Variants in CCDC170 observed in about 807,000 individuals in gnomAD.
CCDC170 encodes coiled-coil domain containing 170, also known as coiled-coil domain-containing protein 170.
CCDC170 carries 69 observed loss-of-function variants against 72.6 expected under a neutral mutation model. That is an observed-to-expected ratio of 0.95 (90% CI 0.78 to 1.16). The LOEUF (loss-of-function observed/expected upper bound fraction) is 1.16. Among genes scored for constraint, CCDC170 ranks in the 50% most tolerant of loss-of-function variants. The pLI, the probability that CCDC170 is intolerant of heterozygous loss-of-function variation, is 0.00. For synonymous variants in CCDC170, 300 were observed against 303.9 expected (o/e 0.99, Z 0.13); for missense variants, 852 against 832.5 (o/e 1.02, Z -0.29).
At chr6:151,592,355 G>C (rs183237726) in intron 7 of CCDC170, among the ~76,000 whole-genome samples, 1 of 151,970 alleles carries the variant, frequency 6.6e-6, no homozygotes, top group African/African-American at 2.4e-5. Flanking sequence ...GGAAGACTCT[G>C]TCTCAAAATA....
At chr6:151,544,870 C>T (rs984327191) in intron 4 of CCDC170, among the ~76,000 whole-genome samples, 154 bp downstream of exon 4, 1 of 152,110 alleles carries the variant, frequency 6.6e-6, no homozygotes, top group Non-Finnish European at 1.5e-5. Context: ...GGACAAGTCA[C>T]GTCACCTGCC....
chr6:151,497,952 C>CAAAAAAAAAA (rs59201906), intron 1 of CCDC170, among the ~76,000 whole-genome samples: 14 of 58,040 alleles, frequency 2.4e-4, no homozygotes, highest in East Asian at 5.7e-4. Flanking sequence ...CACACCATCT[C>CAAAAAAAAAA]AAAAAAAAAA....
intron 1 of CCDC170, among the ~76,000 whole-genome samples, chr6:151,512,972 T>C (rs1782169856): frequency 6.6e-6 from 1 of 152,216 alleles, no homozygotes; most frequent in African/African-American, 2.4e-5. Flanking sequence ...AAGTTGGTGC[T>C]ATTTTCTATG....
intron 10 of CCDC170, among the ~76,000 whole-genome samples, chr6:151,616,965 T>A (rs1776977926): frequency 6.6e-6 from 1 of 152,142 alleles, no homozygotes; most frequent in Non-Finnish European, 1.5e-5. Flanking sequence ...ACATAAGAAT[T>A]TTGAGGGGTC....
chr6:151,615,874 G>A lies in CCDC170; in HGVS notation c.1947+195G>A, dbSNP rs942721997. 21 of 551,324 alleles carry A rather than the reference G, an allele frequency of 3.8e-5. 1 individual carries two copies. Among genetic ancestry groups the A allele is most frequent in the African/African-American group, 5.7e-5 (3 of 53,068 alleles). 34.2% of individuals were successfully genotyped at this position (551,324 alleles called of 1,614,324 possible). Reference sequence around the variant, plus strand: ...ATGTTAACACATGTGCTCCCGAAGCGAGAACTAGTCACATATTTATTCAAA... The same window carrying A: ...ATGTTAACACATGTGCTCCCGAAGCAAGAACTAGTCACATATTTATTCAAA... On this transcript the variant is annotated intron_variant, in intron 10 of 10. Coordinates refer to ENST00000239374, the MANE Select transcript of CCDC170 (RefSeq NM_025059.4).
rs2115089858 is a variant in CCDC170, at chr6:151,573,463, T to C, written c.1064T>C (p.Met355Thr). The C allele has an allele frequency of 3.1e-6, 5 of 1,613,956 alleles. No homozygotes were observed. In the Admixed American group the frequency reaches 5.0e-5, roughly 16 times the overall value. The part of the protein sequence containing the change: ...EDTILEKIRE[M>T]DSREESRDRM... ...ACCATTTTGGAGAAGATTCGAGAAA[T>C]GGACAGCCGGGAAGAAAGCAGGGAC... Residue 355 changes from methionine to threonine, a missense_variant, in exon 6 of 11, where the codon ATG (methionine) becomes ACG (threonine). By Grantham distance (81) the Met-to-Thr change is moderately conservative (BLOSUM62 -1). Coordinates refer to ENST00000239374, the MANE Select transcript of CCDC170 (RefSeq NM_025059.4).
At chr6:151,527,158 A>C (rs758533195) in intron 1 of CCDC170, among the ~76,000 whole-genome samples, 1 of 149,978 alleles carries the variant, frequency 6.7e-6, no homozygotes, top group Non-Finnish European at 1.5e-5. Context: ...CAGCCTCCCA[A>C]AGTGCTGGGA....
At chr6:151,520,646 C>A (rs533591333) in intron 1 of CCDC170, among the ~76,000 whole-genome samples, 80 of 152,312 alleles carry the variant, frequency 5.3e-4, no homozygotes, top group African/African-American at 1.9e-3. Flanking sequence ...AAGACTCTGA[C>A]CCTCCCTAAA....
intron 6 of CCDC170, among the ~76,000 whole-genome samples, chr6:151,578,234 T>G (rs563448037): frequency 6.6e-6 from 1 of 152,208 alleles, no homozygotes; most frequent in Non-Finnish European, 1.5e-5. Flanking sequence ...CTGGGGCTGC[T>G]ACGACAAAGT....
intron 1 of CCDC170, among the ~76,000 whole-genome samples, chr6:151,506,143 A>T (rs1462004552): frequency 6.6e-6 from 1 of 152,192 alleles, no homozygotes; most frequent in Non-Finnish European, 1.5e-5. Flanking sequence ...ATAGCTCTGG[A>T]AATCTTCCAG....
At chr6:151,592,232 T>C (rs1045765961) in intron 7 of CCDC170, among the ~76,000 whole-genome samples, 7 of 152,074 alleles carry the variant, frequency 4.6e-5, no homozygotes, top group African/African-American at 1.4e-4. Context: ...TGGTGGCACG[T>C]GCCTGTAATC....
Position 151,610,074 on chromosome 6 carries a change from T to A in CCDC170, c.1711-5369T>A, listed in dbSNP as rs112852391. 5.8e-4 allele frequency among the ~76,000 whole-genome samples: 89 copies of A among 152,334 alleles called. 2 individuals carry two copies. The highest frequency in any genetic ancestry group is 1.9e-3 in the African/African-American group (81 of 41,564). On this transcript the variant is annotated intron_variant, in intron 9 of 10. Coordinates refer to ENST00000239374, the MANE Select transcript of CCDC170 (RefSeq NM_025059.4). ...ATTCAACATACCAATCCCAGCAATT[T>A]ACCATTTGCCACATATTTTCTTTGT... is the stretch of plus-strand genomic sequence containing the variant.
intron 5 of CCDC170, among the ~76,000 whole-genome samples, chr6:151,571,518 G>A (rs1832726): frequency 6.6e-6 from 1 of 152,060 alleles, no homozygotes; most frequent in East Asian, 1.9e-4. Context: ...ACCTGAAGTT[G>A]GGAGTTCAAG....
chr6:151,571,946 C>T (rs1160136210), intron 5 of CCDC170, among the ~76,000 whole-genome samples: 1 of 152,168 alleles, frequency 6.6e-6, no homozygotes, highest in Non-Finnish European at 1.5e-5. Flanking sequence ...GCTTTGAATT[C>T]CTAGGCTCAA....
At chr6:151,574,448 A>G (rs1373868787) in intron 6 of CCDC170, among the ~76,000 whole-genome samples, 1 of 152,170 alleles carries the variant, frequency 6.6e-6, no homozygotes, top group African/African-American at 2.4e-5. Flanking sequence ...CACAGGTTCC[A>G]TGACCCCTTA....
chr6:151,574,199 C>A (rs1267513151), intron 6 of CCDC170, among the ~76,000 whole-genome samples: 3 of 152,204 alleles, frequency 2.0e-5, no homozygotes, highest in Non-Finnish European at 2.9e-5. Flanking sequence ...GGCTACAGAG[C>A]AAATCCTGTC....
intron 10 of CCDC170, 122 bp from the exon 11 acceptor site, chr6:151,617,825 G>A (rs769785118): frequency 3.7e-6 from 3 of 806,182 alleles, no homozygotes; most frequent in Admixed American, 2.7e-5. Flanking sequence ...GAAGAGAGTA[G>A]ATAATTTCCC....
intron 9 of CCDC170, among the ~76,000 whole-genome samples, chr6:151,597,520 T>C (rs1341269507): frequency 6.6e-6 from 1 of 152,208 alleles, no homozygotes; most frequent in Non-Finnish European, 1.5e-5. Context: ...TTAATCACAT[T>C]GGAATTTGCT....
rs116513976 is a variant in CCDC170, at chr6:151,592,706, G to A, written c.1294-401G>A. On this transcript the variant is annotated intron_variant, in intron 7 of 10. Transcript: ENST00000239374. ...CTACAATTCAGGATGAGATATGAGT[G>A]GTGACACAGCCAAACCATATCAATG... Among the ~76,000 whole-genome samples the A allele has an allele frequency of 2.1e-3, 313 of 152,302 alleles. 1 individual carries two copies. The highest frequency in any genetic ancestry group is 7.0e-3 in the African/African-American group (291 of 41,570).
Sources: allele counts gnomAD v4.1 joint callset (sites outside exome capture counted in the v4.1 genomes callset), GRCh38; gene constraint gnomAD v4.1.1; transcripts MANE v1.5; gene names NCBI Gene and HGNC (gene_info 2026-07-23, HGNC 2026-07-21).